The following CDK15 variants were observed in gnomAD, a reference collection of about 807,000 sequenced individuals.
The protein encoded by CDK15 is cyclin-dependent kinase 15.
CDK15 carries 62 observed loss-of-function variants against 60.3 expected under a neutral mutation model. That is an observed-to-expected ratio of 1.03 (90% CI 0.84 to 1.27). The LOEUF is 1.27. CDK15 is among the 50% of genes most tolerant of loss of function. The probability of loss-of-function intolerance (pLI) is 0.00; values close to 1 mark genes in which losing one functional copy is unlikely to be tolerated. For synonymous variants in CDK15, 194 were observed against 195.7 expected (o/e 0.99, Z 0.07); for missense variants, 541 against 527.8 (o/e 1.03, Z -0.25).
rs374522190 is a variant in CDK15 at position 201,820,346 on chromosome 2, G to A, written c.449-2463G>A. ...CAAGATTTTAAGACTGAAAGTAGAC[G>A]TTTAGTGGGGTTCAGGGTGAAAGGC... On this transcript the variant is annotated intron_variant, in intron 4 of 13. Transcript: ENST00000652192. Among the ~76,000 whole-genome samples the A allele has an allele frequency of 1.5e-3, 234 of 152,262 alleles. 1 individual carries two copies. The highest frequency in any genetic ancestry group is 0.014 in the South Asian group (67 of 4,826).
intron 10 of CDK15, chr2:201,861,551 GTTTT>G: frequency 1.5e-6 from 1 of 678,480 alleles, no homozygotes; most frequent in Non-Finnish European, 1.8e-6. Context: ...TTGTTGGTTT[GTTTT>G]TTTTTTTTTC....
At chr2:201,825,130 T>C (rs1221031967) in intron 6 of CDK15, among the ~76,000 whole-genome samples, 1 of 151,902 alleles carries the variant, frequency 6.6e-6, no homozygotes, top group East Asian at 1.9e-4. Context: ...CTAGCCAACA[T>C]GGTGAAACCC....
intron 9 of CDK15, among the ~76,000 whole-genome samples, chr2:201,852,068 G>A (rs889289615): frequency 1.3e-5 from 2 of 152,094 alleles, no homozygotes; most frequent in African/African-American, 4.8e-5. Flanking sequence ...TCCCATCGTA[G>A]GTTGTCTCTT....
rs555478873 is a variant in CDK15, at chr2:201,806,871, T to C, written c.123+84T>C. On this transcript the variant is annotated intron_variant, in intron 1 of 13. Transcript: ENST00000652192. ...CTCCCTTTTTGTAGCGGGATCTGAT[T>C]CTTCTGCGGTAGGTCTAAACCAATA... 108 of 1,497,230 alleles carry C rather than the reference T, an allele frequency of 7.2e-5. No homozygotes were observed. The African/African-American group carries it at 1.3e-3, about 19-fold the overall frequency. The allele number at this position is 1,497,230 out of a possible 1,614,324, so 92.7% of individuals were successfully genotyped here. A position where few individuals can be genotyped will look rare whatever the true frequency, so the allele number is the denominator to read the frequency against.
At chr2:201,855,576 A>C (rs532338508) in intron 10 of CDK15, among the ~76,000 whole-genome samples, 1 of 152,300 alleles carries the variant, frequency 6.6e-6, no homozygotes, top group African/African-American at 2.4e-5. Context: ...TAGTCACTTC[A>C]AGGATGTTGA....
intron 9 of CDK15, among the ~76,000 whole-genome samples, chr2:201,851,467 G>A (rs185389558): frequency 6.6e-6 from 1 of 152,156 alleles, no homozygotes; most frequent in East Asian, 1.9e-4. Context: ...CTTACATGGT[G>A]GAAGGGTAGA....
intron 11 of CDK15, among the ~76,000 whole-genome samples, chr2:201,873,445 C>T (rs1380396531): frequency 5.9e-5 from 9 of 152,106 alleles, no homozygotes; most frequent in Non-Finnish European, 1.2e-4. Context: ...TTAGCATGGC[C>T]CGTGGCTTTC....
intron 4 of CDK15, among the ~76,000 whole-genome samples, chr2:201,815,090 T>C (rs1291173773): frequency 6.6e-6 from 1 of 152,162 alleles, no homozygotes; most frequent in Non-Finnish European, 1.5e-5. Context: ...TAGCTGGGAT[T>C]ACAGGCATGT....
chr2:201,832,007 T>C (rs969447905), intron 6 of CDK15, among the ~76,000 whole-genome samples: 3 of 152,000 alleles, frequency 2.0e-5, no homozygotes, highest in Admixed American at 2.0e-4. Context: ...TATCCACCTG[T>C]CTTCCTCTTC....
chr2:201,871,975 C>A (rs953101398), intron 10 of CDK15, among the ~76,000 whole-genome samples: 2 of 152,046 alleles, frequency 1.3e-5, no homozygotes, highest in African/African-American at 4.8e-5. Context: ...CTAATGCTTT[C>A]ATCTTAACTA....
intron 11 of CDK15, among the ~76,000 whole-genome samples, chr2:201,872,719 C>T (rs557453878): frequency 1.3e-5 from 2 of 152,242 alleles, no homozygotes; most frequent in South Asian, 2.1e-4. Context: ...GCCCTCTCTA[C>T]GCAGTCTCGG....
chr2:201,891,472 G>A (rs901137025), intron 13 of CDK15, among the ~76,000 whole-genome samples: 3 of 152,208 alleles, frequency 2.0e-5, no homozygotes, highest in African/African-American at 7.2e-5. Flanking sequence ...CCAAAACAAA[G>A]GGGTTTCCGG....
chr2:201,822,585 A>T (rs181102805), intron 4 of CDK15, among the ~76,000 whole-genome samples: 81 of 152,198 alleles, frequency 5.3e-4, no homozygotes, highest in African/African-American at 1.9e-3. Context: ...TTTTGCAACC[A>T]CTCTAGCCTG....
intron 4 of CDK15, among the ~76,000 whole-genome samples, chr2:201,819,277 G>A (rs965694125): frequency 6.6e-6 from 1 of 152,284 alleles, no homozygotes; most frequent in South Asian, 2.1e-4. Flanking sequence ...GCAGAGAGGT[G>A]AGAAGAGAGG....
At chr2:201,881,275 G>A (rs551435121) in intron 12 of CDK15, among the ~76,000 whole-genome samples, 1 of 152,310 alleles carries the variant, frequency 6.6e-6, no homozygotes, top group African/African-American at 2.4e-5. Flanking sequence ...ACTAAAGTGA[G>A]TCATTTAGGA....
chr2:201,852,337 T>A (rs1020911931), intron 9 of CDK15, among the ~76,000 whole-genome samples: 1 of 152,184 alleles, frequency 6.6e-6, no homozygotes, highest in Non-Finnish European at 1.5e-5. Context: ...CCTCTAACCA[T>A]AATTTGTTCT....
intron 12 of CDK15, chr2:201,888,335 A>G (rs1699533554): frequency 1.4e-6 from 2 of 1,390,744 alleles, no homozygotes; most frequent in Non-Finnish European, 1.9e-6. Context: ...TCTCGTTCCG[A>G]AATGATCTAA....
chr2:201,841,756 C>A (rs1431729662), intron 8 of CDK15, among the ~76,000 whole-genome samples: 1 of 152,108 alleles, frequency 6.6e-6, no homozygotes, highest in Admixed American at 6.5e-5. Flanking sequence ...CAGTAGGGGG[C>A]CAGAGCAAAT....
chr2:201,854,877 C>T lies in CDK15; in HGVS notation c.949C>T (p.Leu317=), dbSNP rs1234712820. The T allele has an allele frequency of 6.2e-7, 1 of 1,613,896 alleles. No homozygotes were observed. The part of the protein sequence containing the change: ...LEQLEKIWEV[L]GVPTEDTWPG... ...TTCTTTGTTTGGCTTTATATAGGTG[C>T]TGGGAGTCCCTACAGAGGATACTTG... The change falls in exon 10 of 14, where the codon CTG becomes TTG. Residue 317 remains leucine, a synonymous_variant. Transcript: ENST00000652192.
Sources: allele counts gnomAD v4.1 joint callset (sites outside exome capture counted in the v4.1 genomes callset), GRCh38; gene constraint gnomAD v4.1.1; transcripts MANE v1.5; gene names NCBI Gene and HGNC (gene_info 2026-07-23, HGNC 2026-07-21).